PPP4R1: variants seen among roughly 807,000 people sequenced by gnomAD.
PPP4R1 encodes serine/threonine-protein phosphatase 4 regulatory subunit 1.
Under a neutral mutation model 111.2 loss-of-function variants are expected in PPP4R1, and 42 were observed. The ratio of observed to expected loss-of-function variants is 0.38; its 90% confidence interval spans 0.29 to 0.49. The LOEUF (loss-of-function observed/expected upper bound fraction) is 0.49. Ranked by LOEUF, PPP4R1 falls within the 20% of genes least tolerant of loss-of-function variation. The probability of loss-of-function intolerance (pLI) is 0.97; values close to 1 mark genes in which losing one functional copy is unlikely to be tolerated. For synonymous variants in PPP4R1, 409 were observed against 405.5 expected, an observed-to-expected ratio of 1.01 and a Z score of -0.10; for missense variants, 1,012 against 1,161.6, an observed-to-expected ratio of 0.87 and a Z score of 1.87.
chr18:9,583,588 A>T lies in PPP4R1; in HGVS notation c.760-313T>A, dbSNP rs181324265. Among the ~76,000 whole-genome samples the T allele has an allele frequency of 3.3e-5, 5 of 152,116 alleles. No homozygotes were observed. In the East Asian group the frequency reaches 5.8e-4, roughly 18 times the overall value. On this transcript the variant is annotated intron_variant, in intron 8 of 19. Transcript: ENST00000400556. ...CACCATGTTGGCCAGGCTGGTCTCGAACTCCTGACCTCAGGTGATCCACCT... is the reference window on the plus strand; with the variant it reads ...CACCATGTTGGCCAGGCTGGTCTCGTACTCCTGACCTCAGGTGATCCACCT...
intron 2 of PPP4R1, among the ~76,000 whole-genome samples, chr18:9,612,278 C>G (rs1444009716): frequency 6.6e-6 from 1 of 152,124 alleles, no homozygotes; most frequent in African/African-American, 2.4e-5. Flanking sequence ...AAAACTGAGG[C>G]ATAGGGAGGT....
Position 9,593,860 on chromosome 18 carries a change from C to T in PPP4R1, c.203G>A (p.Arg68Gln), listed in dbSNP as rs762871985. 8.1e-6 allele frequency: 13 copies of T among 1,613,486 alleles called. No homozygotes were observed. The highest frequency in any genetic ancestry group is 6.7e-5 in the East Asian group (3 of 44,856). The change falls in exon 4 of 20, where the codon CGG (arginine) becomes CAG (glutamine). Residue 68 changes from arginine to glutamine, a missense_variant. Around this residue, in one of 2 missense-constraint regions of PPP4R1, gnomAD observed 707 missense variants for 742.1 expected, o/e 0.95. Coordinates refer to ENST00000400556, the MANE Select transcript of PPP4R1 (RefSeq NM_001042388.3). ...ENIFNRQMVA[R>Q]SLLDTLREVC... ...TTCCCTCAAGGTATCGAGCAAACTC[C>T]GGGCCACCATTTGTCTACACAAAAA...
chr18:9,583,192 A>C lies in PPP4R1; in HGVS notation c.843T>G (p.Cys281Trp). Residue 281 changes from cysteine (C) to tryptophan (W), a missense_variant, in exon 9 of 20, where the codon TGT (cysteine) becomes TGG (tryptophan). Coordinates refer to ENST00000400556, the MANE Select transcript of PPP4R1 (RefSeq NM_001042388.3). ...ACAECFMAVS[C>W]ATCQEIRRTK... Reference sequence around the variant, plus strand: ...TCCGTCGGATTTCTTGACATGTTGCACATGAAACCGCCATGAAGCATTCAG... The same window carrying C: ...TCCGTCGGATTTCTTGACATGTTGCCCATGAAACCGCCATGAAGCATTCAG... 5 of 1,612,098 alleles carry C rather than the reference A, an allele frequency of 3.1e-6. No individual in the cohort carries two copies. Among genetic ancestry groups the C allele is most frequent in the Non-Finnish European group, 3.4e-6 (4 of 1,178,508 alleles).
At chr18:9,567,985 T>C (rs980216168) in intron 11 of PPP4R1, among the ~76,000 whole-genome samples, 1 of 152,212 alleles carries the variant, frequency 6.6e-6, no homozygotes, top group Non-Finnish European at 1.5e-5. Flanking sequence ...CATTTTTTTT[T>C]AGACAAAATG....
chr18:9,571,611 G>C (rs2066862484), intron 10 of PPP4R1, among the ~76,000 whole-genome samples: 1 of 152,184 alleles, frequency 6.6e-6, no homozygotes, highest in Non-Finnish European at 1.5e-5. Context: ...GGAGATGGGA[G>C]TGAAGATTAA....
chr18:9,597,544 G>T lies in PPP4R1; in HGVS notation c.53-2391C>A, dbSNP rs77530152. Among the ~76,000 whole-genome samples, 463 of 152,272 alleles carry T rather than the reference G, an allele frequency of 3.0e-3. 2 individuals are homozygous for T. Among genetic ancestry groups the T allele is most frequent in the Middle Eastern group, 0.024 (7 of 292 alleles). ...AATTACCTGAAACGATCAAGTGAAC[G>T]AATCCTCGATTATCACAAAGGACAA... On this transcript the variant is annotated intron_variant, in intron 2 of 19. Transcript: ENST00000400556.
intron 2 of PPP4R1, among the ~76,000 whole-genome samples, chr18:9,612,013 CA>C (rs34046569): frequency 7.0e-4 from 102 of 145,644 alleles, no homozygotes; most frequent in Non-Finnish European, 6.8e-4. Flanking sequence ...AACTCCATCT[CA>C]AAAAAAAAAA....
At chr18:9,550,641 C>T in intron 16 of PPP4R1, 1 of 471,972 alleles carries the variant, frequency 2.1e-6, no homozygotes, top group Non-Finnish European at 3.8e-6. Context: ...TAGAGTTCTG[C>T]ATCCATGGGG....
In PPP4R1 at chr18:9,588,759, T is replaced by C. The variant is rs1433230707; in HGVS notation, c.390A>G (p.Lys130=). ...ATCTAACCACAATAGGTAGTAAGAATTTTGAAAAAGCATATGGTATTGAAG... is the reference window on the plus strand; with the variant it reads ...ATCTAACCACAATAGGTAGTAAGAACTTTGAAAAAGCATATGGTATTGAAG... ...NRPSIPYAFS[K]FLLPIVVRYL... Residue 130 remains lysine, a synonymous_variant, in exon 5 of 20, where the codon AAA becomes AAG. Transcript: ENST00000400556. 2 of 1,613,862 alleles carry C rather than the reference T, an allele frequency of 1.2e-6. No homozygotes were observed. Among genetic ancestry groups the C allele is most frequent in the South Asian group, 2.2e-5 (2 of 91,064 alleles).
chr18:9,558,213 A>G (rs931713815), intron 14 of PPP4R1, among the ~76,000 whole-genome samples: 1 of 152,170 alleles, frequency 6.6e-6, no homozygotes, highest in African/African-American at 2.4e-5. Context: ...CTCTTGAAAT[A>G]AAATTTTACG....
chr18:9,559,116 T>C (rs2066633558), intron 14 of PPP4R1, among the ~76,000 whole-genome samples: 1 of 152,242 alleles, frequency 6.6e-6, no homozygotes, highest in Admixed American at 6.5e-5. Context: ...TTAAATCCTA[T>C]ATTCGGAACA....
At chr18:9,610,867 TAC>T (rs60173784) in intron 2 of PPP4R1, among the ~76,000 whole-genome samples, 47,748 of 149,658 alleles carry the variant, frequency 0.32, 7,626 homozygotes, top group South Asian at 0.4. Flanking sequence ...AAATTATGTG[TAC>T]ACACACACAC....
At chr18:9,592,663 A>C (rs1258964905) in intron 4 of PPP4R1, among the ~76,000 whole-genome samples, 1 of 147,334 alleles carries the variant, frequency 6.8e-6, no homozygotes, top group Non-Finnish European at 1.5e-5. Flanking sequence ...AAATACACAC[A>C]CACACACTTA....
At chr18:9,593,668 T>A (rs1462710132) in intron 4 of PPP4R1, 100 bp downstream of exon 4, 2 of 1,011,542 alleles carry the variant, frequency 2.0e-6, no homozygotes, top group African/African-American at 1.6e-5. Context: ...ATTTTAAAGC[T>A]ATCTCATATC....
chr18:9,598,507 T>A (rs776327482), intron 2 of PPP4R1, among the ~76,000 whole-genome samples: 3 of 152,180 alleles, frequency 2.0e-5, no homozygotes, highest in Non-Finnish European at 4.4e-5. Context: ...GACATTAACA[T>A]CTTTCAAGTA....
rs1465154017 is a variant in PPP4R1 at position 9,549,271 on chromosome 18, G to A, written c.2615C>T (p.Thr872Ile). The change falls in exon 19 of 20, where the codon ACC becomes ATC. Residue 872 changes from threonine (T) to isoleucine (I), a missense_variant. Physicochemically the swap from Thr to Ile is moderately conservative, Grantham distance 89. Coordinates refer to ENST00000400556, the MANE Select transcript of PPP4R1 (RefSeq NM_001042388.3). ...GTTAGGAACCCTGTCATTTGCTAAG[G>A]TTAGCAGATGCGGCATGAGATGCAC... ...FAVHLMPHLL[T>I]LANDRVPNVR... is the part of the protein sequence containing the mutation. 1.2e-6 allele frequency: 2 copies of A among 1,613,974 alleles called. No individual in the cohort carries two copies. The highest frequency in any genetic ancestry group is 2.2e-5 in the East Asian group (1 of 44,872).
chr18:9,593,256 T>C (rs1348014962), intron 4 of PPP4R1, among the ~76,000 whole-genome samples: 2 of 152,166 alleles, frequency 1.3e-5, no homozygotes, highest in African/African-American at 4.8e-5. Flanking sequence ...AAGATATATT[T>C]ATAAAAACTT....
intron 15 of PPP4R1, 83 bp downstream of exon 15, chr18:9,557,138 C>A: frequency 1.5e-6 from 2 of 1,301,216 alleles, no homozygotes; most frequent in South Asian, 1.6e-5. Flanking sequence ...ACAAAGAAAC[C>A]TCTCTTGGTG....
intron 10 of PPP4R1, among the ~76,000 whole-genome samples, chr18:9,574,481 T>C (rs957517495): frequency 1.3e-5 from 2 of 152,238 alleles, no homozygotes; most frequent in African/African-American, 2.4e-5. Context: ...AAATTTGTGC[T>C]AATAATTTTT....
Sources: allele counts gnomAD v4.1 joint callset (sites outside exome capture counted in the v4.1 genomes callset), GRCh38; gene constraint gnomAD v4.1.1; regional missense constraint gnomAD v4.1.1; transcripts MANE v1.5; gene names NCBI Gene and HGNC (gene_info 2026-07-23, HGNC 2026-07-21).